The following SLFN14 variants were observed in gnomAD, a reference collection of about 807,000 sequenced individuals.
SLFN14 encodes schlafen family member 14.
Under a neutral mutation model 58.6 loss-of-function variants are expected in SLFN14, and 47 were observed. That is an observed-to-expected ratio of 0.80 (90% CI 0.64 to 1.02). The LOEUF is 1.02. SLFN14 is among the 50% of genes least tolerant of loss of function. The pLI, the probability that SLFN14 is intolerant of heterozygous loss-of-function variation, is 0.00. For missense variants in SLFN14, 967 were observed against 1,078.4 expected (o/e 0.90, Z 1.45); for synonymous variants, 390 against 387.3 (o/e 1.01, Z -0.08).
chr17:35,554,391 C>T (rs2072628699), intron 4 of SLFN14, among the ~76,000 whole-genome samples, 185 bp downstream of exon 4: 1 of 145,032 alleles, frequency 6.9e-6, no homozygotes, highest in African/African-American at 2.5e-5. Context: ...ATATATGACC[C>T]TTGTTTTCAG....
intron 1 of SLFN14, among the ~76,000 whole-genome samples, chr17:35,560,505 T>C (rs1340844374): frequency 6.6e-6 from 1 of 152,044 alleles, no homozygotes; most frequent in Non-Finnish European, 1.5e-5. Context: ...TTTTTGTATT[T>C]TTAGTAGAGA....
chr17:35,553,057 G>T lies in SLFN14; in HGVS notation c.1577C>A (p.Pro526His), dbSNP rs1054405108. 2 of 1,551,414 alleles carry T rather than the reference G, an allele frequency of 1.3e-6. No homozygotes were observed. The highest frequency in any genetic ancestry group is 1.4e-5 in the African/African-American group (1 of 72,984). The change falls in exon 5 of 6, where the codon CCC becomes CAC. Residue 526 changes from proline to histidine, a missense_variant. Coordinates refer to ENST00000674182, the MANE Select transcript of SLFN14 (RefSeq NM_001129820.2). ...SSTQSRPGEI[P>H]LRYPRSYRLA... The stretch of plus-strand genomic sequence containing the variant: ...CCTGTAGGACCTGGGGTAACGCAGG[G>T]GGATCTCACCAGGTCTACTCTGTGT...
intron 3 of SLFN14, among the ~76,000 whole-genome samples, chr17:35,556,512 G>T (rs1384349591): frequency 6.6e-6 from 1 of 152,212 alleles, no homozygotes; most frequent in Non-Finnish European, 1.5e-5. Context: ...CTGGCCAGGA[G>T]TGGTGGCTCA....
Position 35,546,441 on chromosome 17 carries a change from G to A in SLFN14, c.*1798C>T, listed in dbSNP as rs1018789626. 5.3e-5 allele frequency among the ~76,000 whole-genome samples: 8 copies of A among 152,260 alleles called. No homozygotes were observed. The highest frequency in any genetic ancestry group is 2.1e-4 in the South Asian group (1 of 4,830). Reference sequence around the variant, plus strand: ...AGAAAGGCAGCTAAGAGAGCTTCTCGAAACCCTGCCTGCTCTTCCACCTCT... The same window carrying A: ...AGAAAGGCAGCTAAGAGAGCTTCTCAAAACCCTGCCTGCTCTTCCACCTCT... On this transcript the variant is annotated 3_prime_UTR_variant, in exon 6 of 6. Coordinates refer to ENST00000674182, the MANE Select transcript of SLFN14 (RefSeq NM_001129820.2).
In SLFN14 at chr17:35,548,499, G is replaced by A. The variant is rs182416283; in HGVS notation, c.2479C>T (p.Arg827Cys). Residue 827 changes from arginine to cysteine, a missense_variant, in exon 6 of 6, where the codon CGC becomes TGC. Transcript: ENST00000674182. Reference protein sequence around the residue: ...ILCRRGEDRGRYRLALLKAME... With the variant: ...ILCRRGEDRGCYRLALLKAME... Reference sequence around the variant, plus strand: ...GCTTTGAGTAGTGCAAGCCTATAGCGTCCTCTGTCCTCCCCTCTCCTGCAC... The same window carrying A: ...GCTTTGAGTAGTGCAAGCCTATAGCATCCTCTGTCCTCCCCTCTCCTGCAC... The A allele has an allele frequency of 5.4e-5, 84 of 1,551,704 alleles. No individual in the cohort carries two copies. Among genetic ancestry groups the A allele is most frequent in the East Asian group, 4.4e-4 (18 of 40,922 alleles).
Position 35,554,669 on chromosome 17 carries a change from G to A in SLFN14, c.1096C>T (p.Leu366=). The part of the protein sequence containing the change: ...PSLVTDYNSC[L]ISSASSARKS... Reference sequence around the variant, plus strand: ...CGTGCAGATGAAGCTGATGAAATCAGGCAAGAGTTGTAGTCTGTGACCAAA... The same window carrying A: ...CGTGCAGATGAAGCTGATGAAATCAAGCAAGAGTTGTAGTCTGTGACCAAA... Residue 366 remains leucine, a synonymous_variant, in exon 4 of 6, where the codon CTG becomes TTG. Coordinates refer to ENST00000674182, the MANE Select transcript of SLFN14 (RefSeq NM_001129820.2). The A allele has an allele frequency of 6.7e-7, 1 of 1,490,954 alleles. No homozygotes were observed. The highest frequency in any genetic ancestry group is 1.3e-5 in the South Asian group (1 of 76,012). The allele number at this position is 1,490,954 out of a possible 1,614,324, so 92.4% of individuals were successfully genotyped here.
intron 1 of SLFN14, among the ~76,000 whole-genome samples, chr17:35,560,548 G>A (rs554148018): frequency 4.6e-5 from 7 of 152,158 alleles, no homozygotes; most frequent in African/African-American, 1.7e-4. Context: ...GGCTGGTCTC[G>A]AACTGTTGAC....
rs1186795816 is a variant in SLFN14, at chr17:35,545,237, C to T, written c.*3002G>A. Reference sequence around the variant, plus strand: ...CTCTAACATTAGAAATTCATACTATCGAATTGAATCATTGTAGATTCTAGT... The same window carrying T: ...CTCTAACATTAGAAATTCATACTATTGAATTGAATCATTGTAGATTCTAGT... On this transcript the variant is annotated 3_prime_UTR_variant, in exon 6 of 6. Transcript: ENST00000674182. 6.6e-6 allele frequency among the ~76,000 whole-genome samples: 1 copy of T among 152,166 alleles called. No individual in the cohort carries two copies. The highest frequency in any genetic ancestry group is 2.4e-5 in the African/African-American group (1 of 41,426).
At chr17:35,552,691 T>A (rs541301637) in intron 5 of SLFN14, 39 bp downstream of exon 5, 7 of 1,282,724 alleles carry the variant, frequency 5.5e-6, no homozygotes, top group African/African-American at 4.5e-5. Context: ...TATATACACA[T>A]ACATATTTTT....
rs773859089 is a variant in SLFN14 at position 35,548,421 on chromosome 17, T to TG, written c.2556dup (p.Thr853HisfsTer28). ...ACAATGTGACTTCCCCAAACACCGG[T>TG]GGCCGGGCTAAACACAACCTCTGAT... On this transcript the variant is annotated frameshift_variant, in exon 6 of 6. Coordinates refer to ENST00000674182, the MANE Select transcript of SLFN14 (RefSeq NM_001129820.2). LOFTEE classifies it high-confidence loss of function. The TG allele has an allele frequency of 6.5e-5, 101 of 1,551,716 alleles. No homozygotes were observed. The East Asian group carries it at 2.0e-3, about 31-fold the overall frequency.
chr17:35,552,635 TACATATATATATAC>T lies in SLFN14; in HGVS notation c.1904+81_1904+94del, dbSNP rs1263503721. On this transcript the variant is annotated intron_variant, in intron 5 of 5. Coordinates refer to ENST00000674182, the MANE Select transcript of SLFN14 (RefSeq NM_001129820.2). ...ATGTGTATATATATACACATATATA[TACATATATATATAC>T]ACATATATATACACATATATATACA... The T allele has an allele frequency of 3.1e-4, 124 of 395,220 alleles. 2 individuals are homozygous for T. Among genetic ancestry groups the T allele is most frequent in the African/African-American group, 2.7e-3 (101 of 37,892 alleles). The allele number at this position is 395,220 out of a possible 1,614,324, so 24.5% of individuals were successfully genotyped here.
chr17:35,557,116 G>C lies in SLFN14; in HGVS notation c.947C>G (p.Pro316Arg), dbSNP rs906063271. 7 of 1,551,508 alleles carry C rather than the reference G, an allele frequency of 4.5e-6. No homozygotes were observed. The highest frequency in any genetic ancestry group is 6.1e-6 in the Non-Finnish European group (7 of 1,146,994). The change falls in exon 3 of 6, where the codon CCC becomes CGC. Residue 316 changes from proline (P) to arginine (R), a missense_variant. Pro to Arg is a moderately radical substitution (Grantham distance 103, BLOSUM62 -2). Transcript: ENST00000674182. Reference protein sequence around the residue: ...DGYVCVIQVEPFCCVVFAEAP... With the variant: ...DGYVCVIQVERFCCVVFAEAP... ...CTCTGCAAACACCACGCAACAGAAG[G>C]GCTCCACTTGAATCACACAGACATA...
chr17:35,553,235 C>T lies in SLFN14; in HGVS notation c.1399G>A (p.Val467Met), dbSNP rs919139903. ...DALLIAVNSP[V>M]VLYTILIDPN... ...TCTATTAAGATTGTATAGAGTACCA[C>T]GGGGCTGTTAACTGCTATCAGGAGA... The change falls in exon 5 of 6, where the codon GTG becomes ATG. Residue 467 changes from valine to methionine, a missense_variant. Transcript: ENST00000674182. The T allele has an allele frequency of 2.6e-6, 4 of 1,551,550 alleles. No homozygotes were observed. The highest frequency in any genetic ancestry group is 3.5e-6 in the Non-Finnish European group (4 of 1,146,986).
chr17:35,544,195 T>C lies in SLFN14; in HGVS notation c.*4044A>G, dbSNP rs1021311765. Among the ~76,000 whole-genome samples, 1 of 152,152 alleles carries C rather than the reference T, an allele frequency of 6.6e-6. No individual in the cohort carries two copies. Among genetic ancestry groups the C allele is most frequent in the Non-Finnish European group, 1.5e-5 (1 of 68,024 alleles). On this transcript the variant is annotated 3_prime_UTR_variant, in exon 6 of 6. Coordinates refer to ENST00000674182, the MANE Select transcript of SLFN14 (RefSeq NM_001129820.2). ...GAGAGAGTAAACCCAATGCTGAAAG[T>C]CCATGTACAGCCTCTGTGCACATCA...
At chr17:35,560,022 C>T (rs2072686046) in intron 1 of SLFN14, among the ~76,000 whole-genome samples, 1 of 152,310 alleles carries the variant, frequency 6.6e-6, no homozygotes, top group South Asian at 2.1e-4. Flanking sequence ...ATTGCCAACT[C>T]CCAACAAGTT....
intron 2 of SLFN14, among the ~76,000 whole-genome samples, chr17:35,558,456 C>CT (rs1436413370): frequency 6.6e-6 from 1 of 150,604 alleles, no homozygotes; most frequent in Non-Finnish European, 1.5e-5. Flanking sequence ...TTTGTTCTTG[C>CT]TATTTTTTTT....
At position 35,546,720 on chromosome 17, in the gene SLFN14, C is replaced by A. The variant is rs1242395104; in HGVS notation, c.*1519G>T. Among the ~76,000 whole-genome samples, 1 of 152,142 alleles carries A rather than the reference C, an allele frequency of 6.6e-6. No homozygotes were observed. The highest frequency in any genetic ancestry group is 2.4e-5 in the African/African-American group (1 of 41,418). On this transcript the variant is annotated 3_prime_UTR_variant, in exon 6 of 6. Transcript: ENST00000674182. ...CTTTGATTTCATTTCTAATATGTAT[C>A]ATATACATTGGAAAGTTTCACTTAG...
Position 35,553,463 on chromosome 17 carries a change from G to A in SLFN14, c.1190-19C>T. On this transcript the variant is annotated intron_variant, in intron 4 of 5. Transcript: ENST00000674182. ...TGTGTCACTGAAAATTCAAGGAATA[G>A]ATGTTACCAAAACTTACAAAAGCAT... 1 of 1,495,504 alleles carries A rather than the reference G, an allele frequency of 6.7e-7. No homozygotes were observed. Among genetic ancestry groups the A allele is most frequent in the East Asian group, 2.5e-5 (1 of 40,338 alleles). The allele number at this position is 1,495,504 out of a possible 1,614,324, so 92.6% of individuals were successfully genotyped here. A position where few individuals can be genotyped will look rare whatever the true frequency, so the allele number is the denominator to read the frequency against.
Position 35,552,851 on chromosome 17 carries a change from G to A in SLFN14, c.1783C>T (p.Pro595Ser), listed in dbSNP as rs568286589. 6 of 1,551,400 alleles carry A rather than the reference G, an allele frequency of 3.9e-6. No individual in the cohort carries two copies. In the Admixed American group the frequency reaches 7.8e-5, roughly 20 times the overall value. Residue 595 changes from proline (P) to serine (S), a missense_variant, in exon 5 of 6, where the codon CCA becomes TCA. Transcript: ENST00000674182. ...KTRELFIYCF[P>S]GVRKTALAIK... The stretch of plus-strand genomic sequence containing the variant: ...GCTAGGGCTGTCTTCCTGACTCCTG[G>A]AAAGCAGTAGATGAATAATTCACGT...
Sources: gnomAD v4.1 joint callset for allele counts (sites outside exome capture counted in the v4.1 genomes callset) on GRCh38, gnomAD v4.1.1 for gene constraint, MANE v1.5 for transcripts, NCBI Gene and HGNC (gene_info 2026-07-23, HGNC 2026-07-21) for gene names.